Variants in FRYL observed in about 807,000 individuals in gnomAD.
FRYL encodes the protein protein furry homolog-like.
FRYL carries 150 observed loss-of-function variants against 351.2 expected under a neutral mutation model. That is an observed-to-expected ratio of 0.43 (90% CI 0.37 to 0.49). The LOEUF (loss-of-function observed/expected upper bound fraction) is 0.49. Among genes scored for constraint, FRYL ranks in the 20% least tolerant of loss-of-function variants. FRYL has a pLI of 0.00. For missense variants in FRYL, 3,036 were observed against 3,619.3 expected, an observed-to-expected ratio of 0.84 and a Z score of 4.13; for synonymous variants, 1,153 against 1,257.1, an observed-to-expected ratio of 0.92 and a Z score of 1.75.
At chr4:48,701,086 A>G (rs1307174503) in intron 2 of FRYL, among the ~76,000 whole-genome samples, 1 of 152,214 alleles carries the variant, frequency 6.6e-6, no homozygotes, top group Non-Finnish European at 1.5e-5. Context: ...TTGAAACACC[A>G]AAACTGTTAA....
chr4:48,595,854 A>C, intron 14 of FRYL, 43 bp downstream of exon 14: 1 of 1,344,942 alleles, frequency 7.4e-7, no homozygotes, highest in Non-Finnish European at 1.0e-6. Context: ...TTTTTTAAAA[A>C]CAAGAATTTA....
chr4:48,606,276 GA>G lies in FRYL; in HGVS notation c.741+161del, dbSNP rs1040447059. Among the ~76,000 whole-genome samples the G allele has an allele frequency of 1.1e-3, 160 of 141,692 alleles. 1 individual carries two copies. Among genetic ancestry groups the G allele is most frequent in the African/African-American group, 2.9e-3 (111 of 38,754 alleles). The allele number at this position is 141,692 out of a possible 152,430, so 93.0% of individuals were successfully genotyped here. On this transcript the variant is annotated intron_variant, in intron 10 of 63. Transcript: ENST00000358350. Reference sequence around the variant, plus strand: ...TGACAGAGTGAGACTCTGTCTCAAGGAAAAAAAAAAAATTAATTTACACTTA... The same window carrying G: ...TGACAGAGTGAGACTCTGTCTCAAGGAAAAAAAAAAATTAATTTACACTTA...
chr4:48,549,707 T>C lies in FRYL; in HGVS notation c.4634-84A>G, dbSNP rs1732243127. The C allele has an allele frequency of 1.0e-5, 12 of 1,150,556 alleles. No homozygotes were observed. In the South Asian group the frequency reaches 1.6e-4, roughly 15 times the overall value. The allele number at this position is 1,150,556 out of a possible 1,614,324, so 71.3% of individuals were successfully genotyped here. ...ACTCTAGTAAGATCCCAACTATTTA[T>C]ATAGTATTGGAAAGTGATAAAAAAA... On this transcript the variant is annotated intron_variant, in intron 38 of 63. Coordinates refer to ENST00000358350, the MANE Select transcript of FRYL (RefSeq NM_015030.2). This position sits in a 1 kb window ranked among gnomAD's most constrained non-coding sequence, Gnocchi z 4.2.
At chr4:48,755,352 A>C (rs1162508649) in intron 1 of FRYL, among the ~76,000 whole-genome samples, 1 of 152,190 alleles carries the variant, frequency 6.6e-6, no homozygotes, top group Non-Finnish European at 1.5e-5. Context: ...CATAGCCTCA[A>C]CATTTTCATT....
At chr4:48,692,441 G>A (rs980674960) in intron 2 of FRYL, among the ~76,000 whole-genome samples, 2 of 151,776 alleles carry the variant, frequency 1.3e-5, no homozygotes, top group African/African-American at 4.8e-5. Flanking sequence ...CGCCCAGGCT[G>A]GAGTGCAGTG....
At chr4:48,704,496 C>T (rs1354341285) in intron 2 of FRYL, among the ~76,000 whole-genome samples, 1 of 152,096 alleles carries the variant, frequency 6.6e-6, no homozygotes, top group Non-Finnish European at 1.5e-5. Context: ...TAGCAATACC[C>T]AAGCTTTTAA....
intron 9 of FRYL, among the ~76,000 whole-genome samples, 190 bp from the exon 10 acceptor site, chr4:48,606,796 AAAATT>A (rs1216748758): frequency 6.6e-6 from 1 of 152,206 alleles, no homozygotes; most frequent in African/African-American, 2.4e-5. Flanking sequence ...CATTTCTTTT[AAAATT>A]AAATTAAAAG....
chr4:48,580,799 T>C (rs747060336), intron 22 of FRYL, 66 bp downstream of exon 22: 1 of 957,798 alleles, frequency 1.0e-6, no homozygotes, highest in Non-Finnish European at 1.7e-6. Context: ...CACATGTACA[T>C]GTATACATAT....
chr4:48,729,493 C>CA (rs1458475782), intron 1 of FRYL, among the ~76,000 whole-genome samples: 2 of 152,196 alleles, frequency 1.3e-5, no homozygotes, highest in Admixed American at 6.5e-5. Flanking sequence ...TAGGGACTGA[C>CA]AGACACCTCA....
chr4:48,746,709 G>A (rs543240011), intron 1 of FRYL, among the ~76,000 whole-genome samples: 1 of 152,240 alleles, frequency 6.6e-6, no homozygotes, highest in Admixed American at 6.5e-5. Flanking sequence ...TCTAAGGCAG[G>A]TCAGAAAACG....
chr4:48,656,316 A>G (rs1182831306), intron 3 of FRYL, among the ~76,000 whole-genome samples: 7 of 135,532 alleles, frequency 5.2e-5, no homozygotes, highest in African/African-American at 1.9e-4. Flanking sequence ...ATTATATATT[A>G]CATAATATAT....
chr4:48,511,151 A>G (rs1722389333), intron 57 of FRYL, among the ~76,000 whole-genome samples, 167 bp from the exon 58 acceptor site: 1 of 152,198 alleles, frequency 6.6e-6, no homozygotes, highest in Admixed American at 6.5e-5. Context: ...TCCTTAGAAA[A>G]CATTAATTTC....
chr4:48,649,712 T>C (rs979623766), intron 3 of FRYL, among the ~76,000 whole-genome samples: 2 of 152,240 alleles, frequency 1.3e-5, no homozygotes, highest in African/African-American at 4.8e-5. Flanking sequence ...TTAGGCCATA[T>C]GAATGTCACT....
chr4:48,776,707 C>A (rs1395667887), intron 1 of FRYL, among the ~76,000 whole-genome samples: 2 of 152,148 alleles, frequency 1.3e-5, no homozygotes, highest in African/African-American at 2.4e-5. Flanking sequence ...GATGGATGAT[C>A]CCTGTCACTA....
intron 3 of FRYL, among the ~76,000 whole-genome samples, chr4:48,634,867 A>T (rs1753919249): frequency 6.6e-6 from 1 of 152,190 alleles, no homozygotes; most frequent in Non-Finnish European, 1.5e-5. Flanking sequence ...GCAATAAAGG[A>T]AATAAAACAG....
At chr4:48,557,778 C>T (rs562381722) in intron 33 of FRYL, 66 bp from the exon 34 acceptor site, 669 of 1,563,492 alleles carry the variant, frequency 4.3e-4, no homozygotes, top group Non-Finnish European at 5.1e-4. Flanking sequence ...GTAATTAATT[C>T]CAACAGATTT....
chr4:48,770,983 T>C (rs1775454318), intron 1 of FRYL, among the ~76,000 whole-genome samples: 2 of 152,210 alleles, frequency 1.3e-5, no homozygotes, highest in South Asian at 4.1e-4. Context: ...CAGTTCTTTT[T>C]TTGTTTGTTT....
intron 1 of FRYL, among the ~76,000 whole-genome samples, chr4:48,759,538 CA>C (rs1774184747): frequency 6.6e-6 from 1 of 152,288 alleles, no homozygotes; most frequent in South Asian, 2.1e-4. Flanking sequence ...AAGATGTCAG[CA>C]GCTAAGAATC....
In FRYL at chr4:48,738,080, A is replaced by G. The variant is rs150627966; in HGVS notation, c.-383-27382T>C. Reference sequence around the variant, plus strand: ...GGTGTCCCCTCAATACTCCTTTTCAATATCATACTAGACGTCCTAGCTAAT... The same window carrying G: ...GGTGTCCCCTCAATACTCCTTTTCAGTATCATACTAGACGTCCTAGCTAAT... On this transcript the variant is annotated intron_variant, in intron 1 of 63. Coordinates refer to ENST00000358350, the MANE Select transcript of FRYL (RefSeq NM_015030.2). Among the ~76,000 whole-genome samples the G allele has an allele frequency of 8.5e-4, 130 of 152,328 alleles. No individual in the cohort carries two copies. In the East Asian group the frequency reaches 0.021, roughly 25 times the overall value.
Sources: gnomAD v4.1 joint callset for allele counts (sites outside exome capture counted in the v4.1 genomes callset) on GRCh38, gnomAD v4.1.1 for gene constraint, Gnocchi (gnomAD v3.1) non-coding constraint, MANE v1.5 for transcripts, NCBI Gene and HGNC (gene_info 2026-07-23, HGNC 2026-07-21) for gene names.